F8: variants seen among roughly 807,000 people sequenced by gnomAD.
F8 encodes coagulation factor VIII, also known as antihemophilic factor.
Under a neutral mutation model 140.6 loss-of-function variants are expected in F8, and 12 were observed. That is an observed-to-expected ratio of 0.09 (90% CI 0.05 to 0.14). The LOEUF (loss-of-function observed/expected upper bound fraction) is 0.14. F8 is among the 10% of genes least tolerant of loss of function. The pLI, the probability that F8 is intolerant of heterozygous loss-of-function variation, is 1.00. For missense variants in F8, 1,354 were observed against 1,720.7 expected (o/e 0.79, Z 3.77); for synonymous variants, 585 against 614.6 (o/e 0.95, Z 0.71).
intron 25 of F8, among the ~76,000 whole-genome samples, chrX:154,851,219 A>G (rs1285835113): frequency 3.5e-5 from 4 of 112,815 alleles, no homozygotes; most frequent in African/African-American, 1.3e-4. Flanking sequence ...AGCATGGATC[A>G]GTACTTTGAT....
intron 15 of F8, 115 bp downstream of exon 15, chrX:154,906,305 T>C (rs1429552263): frequency 7.5e-5 from 48 of 637,467 alleles, no homozygotes; most frequent in Non-Finnish European, 1.1e-4. Context: ...CAAAGATAAT[T>C]ATGGAATTAT....
intron 1 of F8, among the ~76,000 whole-genome samples, chrX:155,012,873 G>A (rs942673521): frequency 9.1e-6 from 1 of 110,373 alleles, no homozygotes; most frequent in Admixed American, 9.6e-5. Context: ...TCAGCCGGGC[G>A]CGGTGGCTCA....
At chrX:154,872,135 T>A (rs1211557738) in intron 22 of F8, among the ~76,000 whole-genome samples, 2 of 112,017 alleles carry the variant, frequency 1.8e-5, no homozygotes, top group Non-Finnish European at 3.8e-5. Flanking sequence ...TGGAAGACAG[T>A]ATGGCGATTC....
At chrX:154,927,250 C>T (rs1245151387) in intron 14 of F8, among the ~76,000 whole-genome samples, 11 of 111,477 alleles carry the variant, frequency 9.9e-5, no homozygotes, top group African/African-American at 3.6e-4. Flanking sequence ...AGGCTGCAAG[C>T]AGGGACAATT....
chrX:154,989,478 A>G (rs1557284494), intron 4 of F8, among the ~76,000 whole-genome samples: 1 of 111,589 alleles, frequency 9.0e-6, no homozygotes, highest in Admixed American at 9.5e-5. Flanking sequence ...GAATGGCTAT[A>G]CCATTGTGCA....
At chrX:154,955,992 AC>A (rs1557281165) in intron 11 of F8, among the ~76,000 whole-genome samples, 1 of 111,837 alleles carries the variant, frequency 8.9e-6, no homozygotes, top group Non-Finnish European at 1.9e-5. Flanking sequence ...CTTATCTTCA[AC>A]TGCATAAGAT....
intron 7 of F8, among the ~76,000 whole-genome samples, chrX:154,968,695 C>T (rs2073438258): frequency 1.8e-5 from 2 of 111,332 alleles, no homozygotes; most frequent in Non-Finnish European, 3.8e-5. Flanking sequence ...AAGTTCCCAC[C>T]AAATAGTCCT....
intron 22 of F8, among the ~76,000 whole-genome samples, chrX:154,868,755 T>C (rs782293874): frequency 4.5e-5 from 5 of 110,917 alleles, no homozygotes; most frequent in Non-Finnish European, 7.6e-5. Flanking sequence ...GACTGGCAAA[T>C]TGGATAAAGA....
chrX:154,974,490 T>A (rs2073474756), intron 6 of F8, among the ~76,000 whole-genome samples: 1 of 112,313 alleles, frequency 8.9e-6, no homozygotes, highest in African/African-American at 3.2e-5. Context: ...AATGATCTTT[T>A]AATGTGCTGT....
intron 13 of F8, among the ~76,000 whole-genome samples, chrX:154,935,659 T>C (rs782163554): frequency 3.6e-4 from 40 of 111,112 alleles, no homozygotes; most frequent in African/African-American, 1.2e-3. Flanking sequence ...AAAGCACAAG[T>C]GACACAAGAA....
At chrX:154,933,357 A>T (rs1045828297) in intron 13 of F8, among the ~76,000 whole-genome samples, 2 of 112,149 alleles carry the variant, frequency 1.8e-5, no homozygotes, top group Non-Finnish European at 3.8e-5. Flanking sequence ...CTTCTGACAT[A>T]GGTATAAGCT....
intron 1 of F8, among the ~76,000 whole-genome samples, chrX:155,010,243 T>C (rs2073699974): frequency 8.9e-6 from 1 of 112,446 alleles, no homozygotes. Flanking sequence ...TGTGGGGTTT[T>C]GTTTGTGTAT....
rs782734362 is a variant in F8 at position 154,933,977 on chromosome X, GACT to G, written c.2114-2304_2114-2302del. On this transcript the variant is annotated intron_variant, in intron 13 of 25. Coordinates refer to ENST00000360256, the MANE Select transcript of F8 (RefSeq NM_000132.4). ...ACCTTACAAAAACGGACAGAGACCA[GACT>G]ACCCAAGGGCCATAGTTTGCCCACT... is the stretch of plus-strand genomic sequence containing the variant. Among the ~76,000 whole-genome samples the G allele has an allele frequency of 5.4e-4, 60 of 111,895 alleles. No individual in the cohort carries two copies. The East Asian group carries it at 0.012, about 23-fold the overall frequency.
intron 15 of F8, among the ~76,000 whole-genome samples, chrX:154,905,280 A>G (rs1236711249): frequency 9.0e-6 from 1 of 111,449 alleles, no homozygotes; most frequent in African/African-American, 3.3e-5. Flanking sequence ...AAGCCATTCC[A>G]GAGTAAAAGG....
intron 1 of F8, among the ~76,000 whole-genome samples, chrX:155,009,659 C>T (rs2073696334): frequency 1.8e-5 from 2 of 110,631 alleles, no homozygotes; most frequent in Admixed American, 9.7e-5. Flanking sequence ...CGCTTGAACA[C>T]GGGAGGCAGA....
intron 6 of F8, among the ~76,000 whole-genome samples, chrX:154,971,082 G>A (rs1283281832): frequency 1.8e-5 from 2 of 111,205 alleles, no homozygotes; most frequent in Admixed American, 9.6e-5. Context: ...CCTCTTTTAT[G>A]TAGTTTCTGG....
At chrX:154,955,556 G>T (rs2073360953) in intron 11 of F8, among the ~76,000 whole-genome samples, 1 of 109,353 alleles carries the variant, frequency 9.1e-6, no homozygotes, top group Non-Finnish European at 1.9e-5. Flanking sequence ...CTAAGTGTCG[G>T]CCGGTCTGGG....
intron 3 of F8, among the ~76,000 whole-genome samples, chrX:154,994,683 CA>C (rs1363798398): frequency 1.8e-5 from 2 of 111,909 alleles, no homozygotes; most frequent in South Asian, 3.8e-4. Flanking sequence ...TGTGCCATAT[CA>C]GGGGCAGATA....
chrX:154,859,936 A>G (rs1557272711), intron 25 of F8, among the ~76,000 whole-genome samples: 1 of 111,654 alleles, frequency 9.0e-6, no homozygotes, highest in East Asian at 2.8e-4. Flanking sequence ...GTATGGATGG[A>G]GCTTAAAGAG....
Sources: allele counts gnomAD v4.1 joint callset (sites outside exome capture counted in the v4.1 genomes callset), GRCh38; gene constraint gnomAD v4.1.1; transcripts MANE v1.5; gene names NCBI Gene and HGNC (gene_info 2026-07-23, HGNC 2026-07-21).